The following FUT8 variants were observed in gnomAD, a reference collection of about 807,000 sequenced individuals.
FUT8 encodes the protein alpha-(1,6)-fucosyltransferase.
Under a neutral mutation model 71.3 loss-of-function variants are expected in FUT8, and 29 were observed. The ratio of observed to expected loss-of-function variants is 0.41; its 90% CI spans 0.30 to 0.55. The LOEUF (loss-of-function observed/expected upper bound fraction) is 0.55. Among genes scored for constraint, FUT8 ranks in the 20% least tolerant of loss-of-function variants. The pLI is 0.34. For missense variants in FUT8, 544 were observed against 702.1 expected (o/e 0.77, Z 2.55); for synonymous variants, 254 against 239.3 (o/e 1.06, Z -0.57).
chr14:65,698,048 G>A (rs957018654), intron 7 of FUT8, among the ~76,000 whole-genome samples: 1 of 151,238 alleles, frequency 6.6e-6, no homozygotes, highest in Non-Finnish European at 1.5e-5. Context: ...TTTAATTTTT[G>A]TAACTTCTGT....
chr14:65,456,909 G>A (rs61990000), intron 2 of FUT8, among the ~76,000 whole-genome samples: 11,021 of 151,592 alleles, frequency 0.073, 476 homozygotes, highest in Admixed American at 0.12. Context: ...ATTGATGCAT[G>A]TTAGGTGTAC....
At chr14:65,735,249 T>G (rs1244383175) in intron 10 of FUT8, among the ~76,000 whole-genome samples, 1 of 152,094 alleles carries the variant, frequency 6.6e-6, no homozygotes, top group Non-Finnish European at 1.5e-5. Flanking sequence ...AGTTGTACTT[T>G]AGAATTTTGG....
chr14:65,478,515 G>A (rs2066281929), intron 2 of FUT8, among the ~76,000 whole-genome samples: 1 of 151,534 alleles, frequency 6.6e-6, no homozygotes, highest in Non-Finnish European at 1.5e-5. Flanking sequence ...TTTCTAATTT[G>A]GGGATAGCTC....
intron 7 of FUT8, among the ~76,000 whole-genome samples, chr14:65,716,885 C>A (rs1179417761): frequency 1.5e-5 from 2 of 133,832 alleles, no homozygotes; most frequent in East Asian, 2.2e-4. Context: ...ACCTCCCAGA[C>A]GGGGCGGCCG....
chr14:65,361,555 AG>A, the FUT8 span, among the ~76,000 whole-genome samples: 1 of 151,996 alleles, frequency 6.6e-6, no homozygotes, highest in Non-Finnish European at 1.5e-5. Context: ...TGGGAGGCTG[AG>A]GCTGGGGGAT....
intron 6 of FUT8, among the ~76,000 whole-genome samples, chr14:65,633,051 G>T (rs1890289993): frequency 1.4e-5 from 2 of 138,828 alleles, no homozygotes; most frequent in Admixed American, 1.5e-4. Flanking sequence ...TCTTTCCACG[G>T]TCTCCCTCTG....
At chr14:65,704,205 A>T (rs1894449356) in intron 7 of FUT8, among the ~76,000 whole-genome samples, 1 of 152,214 alleles carries the variant, frequency 6.6e-6, no homozygotes, top group Non-Finnish European at 1.5e-5. Context: ...ACCCAGAGCA[A>T]AAAGGAATCC....
At chr14:65,572,609 A>G (rs369391132) in intron 3 of FUT8, among the ~76,000 whole-genome samples, 4 of 152,058 alleles carry the variant, frequency 2.6e-5, no homozygotes, top group African/African-American at 9.7e-5. Flanking sequence ...TGGGTCCAGT[A>G]GACTAGACCA....
At position 65,413,366 on chromosome 14, in the gene FUT8, A is replaced by G. The variant is rs1595339140; in HGVS notation, c.-326+152A>G. ...CCGGTTAACCAGCGGCTCTCGGAAA[A>G]GTGGGGAGGGAGCCCCCGGGACGCT... On this transcript the variant is annotated intron_variant, in intron 1 of 10. Transcript: ENST00000673929. The surrounding 1 kb of genome is among the most constrained non-coding windows in gnomAD (Gnocchi z 4.1). Among the ~76,000 whole-genome samples the G allele has an allele frequency of 6.6e-6, 1 of 152,076 alleles. No individual in the cohort carries two copies. The highest frequency in any genetic ancestry group is 1.9e-4 in the East Asian group (1 of 5,162).
chr14:65,672,002 C>T (rs1258375920), intron 7 of FUT8, among the ~76,000 whole-genome samples: 1 of 152,186 alleles, frequency 6.6e-6, no homozygotes, highest in East Asian at 1.9e-4. Context: ...ACATGATGTC[C>T]TTGCAGATGG....
At chr14:65,544,189 G>T (rs548880243) in intron 2 of FUT8, among the ~76,000 whole-genome samples, 7 of 152,264 alleles carry the variant, frequency 4.6e-5, no homozygotes, top group African/African-American at 1.7e-4. Context: ...TAAGAACTTG[G>T]CATATTCCAG....
chr14:65,374,748 C>T, the FUT8 span, among the ~76,000 whole-genome samples: 3 of 147,498 alleles, frequency 2.0e-5, no homozygotes, highest in Non-Finnish European at 3.0e-5. Context: ...GTGTGTGCCA[C>T]CACGCCTGGC....
intron 3 of FUT8, among the ~76,000 whole-genome samples, chr14:65,610,875 G>C: frequency 6.6e-6 from 1 of 151,754 alleles, no homozygotes; most frequent in East Asian, 1.9e-4. Context: ...GGTTAACCAT[G>C]ATTTACTATC....
At chr14:65,422,548 C>T (rs778135636) in intron 1 of FUT8, among the ~76,000 whole-genome samples, 4 of 151,962 alleles carry the variant, frequency 2.6e-5, no homozygotes, top group Non-Finnish European at 5.9e-5. Flanking sequence ...CCCAGGCTGA[C>T]ATGCAAATGG....
At chr14:65,477,698 G>A (rs1273189610) in intron 2 of FUT8, among the ~76,000 whole-genome samples, 4 of 152,004 alleles carry the variant, frequency 2.6e-5, no homozygotes, top group South Asian at 2.1e-4. Flanking sequence ...ATTCTGGCAC[G>A]GGTTAGATTT....
intron 2 of FUT8, among the ~76,000 whole-genome samples, chr14:65,502,433 C>T (rs2066660342): frequency 6.6e-6 from 1 of 152,112 alleles, no homozygotes; most frequent in South Asian, 2.1e-4. Flanking sequence ...CCATGTTGCC[C>T]AGGCTGGTCT....
chr14:65,632,909 G>A (rs1317445939), intron 6 of FUT8, among the ~76,000 whole-genome samples: 1 of 151,870 alleles, frequency 6.6e-6, no homozygotes, highest in African/African-American at 2.4e-5. Context: ...TGAGAGATGA[G>A]GATTCAGTTT....
At chr14:65,531,728 C>T (rs538020380) in intron 2 of FUT8, among the ~76,000 whole-genome samples, 2 of 152,214 alleles carry the variant, frequency 1.3e-5, no homozygotes, top group East Asian at 3.9e-4. Context: ...AGGTACTAAG[C>T]CTAGTACCCA....
chr14:65,623,144 G>A (rs1889715749), intron 5 of FUT8, among the ~76,000 whole-genome samples: 2 of 152,078 alleles, frequency 1.3e-5, no homozygotes, highest in African/African-American at 4.8e-5. Flanking sequence ...TTCTGCCTTA[G>A]CTTCCCAAAA....
Sources: allele counts gnomAD v4.1 joint callset (sites outside exome capture counted in the v4.1 genomes callset), GRCh38; gene constraint gnomAD v4.1.1; non-coding constraint Gnocchi (gnomAD v3.1); transcripts MANE v1.5; gene names NCBI Gene and HGNC (gene_info 2026-07-23, HGNC 2026-07-21).